The following ATP11C variants were observed in gnomAD, a reference collection of about 807,000 sequenced individuals.
ATP11C encodes phospholipid-transporting ATPase IG.
A neutral mutation model predicts 97.4 loss-of-function variants in ATP11C; 36 were observed. The observed-to-expected ratio is 0.37, with a 90% CI of 0.28 to 0.49. The LOEUF (loss-of-function observed/expected upper bound fraction) is 0.49. Among genes scored for constraint, ATP11C ranks in the 20% least tolerant of loss-of-function variants. The pLI, the probability that ATP11C is intolerant of heterozygous loss-of-function variation, is 0.98. For missense variants in ATP11C, 730 were observed against 824.6 expected (o/e 0.89, Z 1.40); for synonymous variants, 275 against 290.9 (o/e 0.95, Z 0.56).
In ATP11C at chrX:139,785,273, A is replaced by C; in HGVS notation, c.1619T>G (p.Phe540Cys). Residue 540 changes from phenylalanine (F) to cysteine (C), a missense_variant, in exon 16 of 30, where the codon TTT (phenylalanine) becomes TGT (cysteine). Transcript: ENST00000682941. ...ACTCATACGTCGCCGGACAGCATCA[A>C]AGTTTAAGGTGTGAAGAAGTTCATA... ...EEYELLHTLNFDAVRRRMSVI... is the reference protein window; with the variant it reads ...EEYELLHTLNCDAVRRRMSVI... The C allele has an allele frequency of 8.3e-7, 1 of 1,208,356 alleles. No homozygotes were observed. Among genetic ancestry groups the C allele is most frequent in the Non-Finnish European group, 1.1e-6 (1 of 893,018 alleles).
chrX:139,762,775 C>T (rs1250518046), intron 21 of ATP11C, among the ~76,000 whole-genome samples: 2 of 109,085 alleles, frequency 1.8e-5, no homozygotes, highest in East Asian at 5.6e-4. Flanking sequence ...AGTTGTGTTG[C>T]CTAATAGCAA....
At chrX:139,789,630 CAAT>C in intron 12 of ATP11C, 142 bp from the exon 13 acceptor site, 1 of 419,833 alleles carries the variant, frequency 2.4e-6, no homozygotes, top group South Asian at 6.3e-5. Context: ...ATTACAGAGA[CAAT>C]ATTACCAAAG....
chrX:139,897,627 C>T (rs913882443), intron 1 of ATP11C, among the ~76,000 whole-genome samples: 2 of 105,665 alleles, frequency 1.9e-5, no homozygotes, highest in Admixed American at 1.0e-4. Flanking sequence ...GCTGAGATGG[C>T]GCCACTGCAT....
intron 1 of ATP11C, among the ~76,000 whole-genome samples, chrX:139,841,069 A>G (rs972664504): frequency 4.4e-5 from 5 of 112,803 alleles, no homozygotes; most frequent in Non-Finnish European, 9.4e-5. Context: ...CTGGTGTGAT[A>G]TAACATTATC....
intron 23 of ATP11C, among the ~76,000 whole-genome samples, chrX:139,755,946 C>T (rs969915416): frequency 7.1e-5 from 8 of 112,150 alleles, no homozygotes; most frequent in Non-Finnish European, 1.5e-4. Flanking sequence ...ATGCTGAAAG[C>T]AATAGCAACA....
chrX:139,852,722 C>A (rs1300791298), intron 1 of ATP11C, among the ~76,000 whole-genome samples: 1 of 109,898 alleles, frequency 9.1e-6, no homozygotes, highest in East Asian at 2.9e-4. Flanking sequence ...CCATAGCTAC[C>A]TCATATGGCT....
chrX:139,799,493 C>G (rs981074318), intron 8 of ATP11C, among the ~76,000 whole-genome samples: 4 of 109,858 alleles, frequency 3.6e-5, no homozygotes, highest in African/African-American at 1.3e-4. Context: ...ATGGCTAGAA[C>G]AGGTTTGGGA....
At chrX:139,935,251 A>G (rs1032626438), upstream of ATP11C, among the ~76,000 whole-genome samples, 1 of 111,995 alleles carries the variant, frequency 8.9e-6, no homozygotes, top group Non-Finnish European at 1.9e-5. Context: ...TAATCACAGG[A>G]ATTTTAAGAT....
At chrX:139,824,486 G>A (rs1193512583) in intron 2 of ATP11C, among the ~76,000 whole-genome samples, 1 of 111,767 alleles carries the variant, frequency 8.9e-6, no homozygotes, top group Non-Finnish European at 1.9e-5. Flanking sequence ...CGGATCACGA[G>A]ACCATCCTGG....
intron 18 of ATP11C, among the ~76,000 whole-genome samples, chrX:139,781,848 C>T (rs779802394): frequency 3.6e-5 from 4 of 112,167 alleles, no homozygotes; most frequent in African/African-American, 1.3e-4. Flanking sequence ...TTCAGCTCAC[C>T]TATCTCTGAA....
At chrX:139,751,103 C>T (rs925279234) in intron 23 of ATP11C, among the ~76,000 whole-genome samples, 3 of 112,308 alleles carry the variant, frequency 2.7e-5, no homozygotes, top group Non-Finnish European at 3.8e-5. Context: ...TCAATGGCTA[C>T]TAAAGATAAT....
chrX:139,826,850 C>A, intron 1 of ATP11C, 27 bp from the exon 2 acceptor site: 1 of 1,190,188 alleles, frequency 8.4e-7, no homozygotes, highest in South Asian at 1.8e-5. Context: ...GGAAAAAATT[C>A]AGTTTTTCAT....
At chrX:139,836,919 T>C (rs1479432790) in intron 1 of ATP11C, among the ~76,000 whole-genome samples, 4 of 111,663 alleles carry the variant, frequency 3.6e-5, no homozygotes, top group African/African-American at 1.3e-4. Context: ...TTAACTACCA[T>C]GAGGGCAATT....
At chrX:139,789,294 G>T (rs776284414) in intron 13 of ATP11C, 33 bp downstream of exon 13, 5 of 1,113,431 alleles carry the variant, frequency 4.5e-6, no homozygotes, top group Middle Eastern at 2.7e-4. Flanking sequence ...TACACAGATT[G>T]GTTTCTTATA....
At chrX:139,798,825 C>G in intron 8 of ATP11C, 82 bp from the exon 9 acceptor site, 3 of 695,109 alleles carry the variant, frequency 4.3e-6, no homozygotes, top group Non-Finnish European at 6.8e-6. Context: ...CTGACACACA[C>G]CTATCTCCAA....
At chrX:139,864,762 T>C (rs1459789967) in intron 1 of ATP11C, among the ~76,000 whole-genome samples, 2 of 112,468 alleles carry the variant, frequency 1.8e-5, no homozygotes, top group East Asian at 5.6e-4. Flanking sequence ...AGTTTCACTT[T>C]CCAAGAAACC....
chrX:139,831,482 A>G (rs1483703235), intron 1 of ATP11C, among the ~76,000 whole-genome samples: 1 of 111,523 alleles, frequency 9.0e-6, no homozygotes. Flanking sequence ...GGAAGCTCAG[A>G]GTGGACCTTT....
chrX:139,774,579 C>T, intron 19 of ATP11C, 111 bp downstream of exon 19: 1 of 686,465 alleles, frequency 1.5e-6, no homozygotes, highest in Admixed American at 3.9e-5. Context: ...AAGGATAAAA[C>T]ACCTGCAAAC....
At position 139,780,745 on chromosome X, in the gene ATP11C, T is replaced by G. The variant is rs780188654; in HGVS notation, c.1952+1802A>C. 3.6e-5 allele frequency among the ~76,000 whole-genome samples: 4 copies of G among 111,696 alleles called. No homozygotes were observed. The South Asian group carries it at 1.5e-3, about 42-fold the overall frequency. Reference sequence around the variant, plus strand: ...AGATTGCTGGAATACTACGCAGCCATAAGAAAAGTAAAATCGTGTCCTTTG... The same window carrying G: ...AGATTGCTGGAATACTACGCAGCCAGAAGAAAAGTAAAATCGTGTCCTTTG... On this transcript the variant is annotated intron_variant, in intron 18 of 29. Transcript: ENST00000682941.
Sources: allele counts gnomAD v4.1 joint callset (sites outside exome capture counted in the v4.1 genomes callset), GRCh38; gene constraint gnomAD v4.1.1; transcripts MANE v1.5; gene names NCBI Gene and HGNC (gene_info 2026-07-23, HGNC 2026-07-21).